The following RNF150 variants were observed in gnomAD, a reference collection of about 807,000 sequenced individuals.
The protein encoded by RNF150 is ring finger protein 150.
RNF150 carries 24 observed loss-of-function variants against 39.3 expected under a neutral mutation model. The observed-to-expected ratio is 0.61, with a 90% CI of 0.44 to 0.86. The LOEUF (loss-of-function observed/expected upper bound fraction) is 0.86. Among genes scored for constraint, RNF150 ranks in the 40% least tolerant of loss-of-function variants. RNF150 has a pLI of 0.00. For missense variants in RNF150, 502 were observed against 587.8 expected, an observed-to-expected ratio of 0.85 and a Z score of 1.51; for synonymous variants, 255 against 227.3, an observed-to-expected ratio of 1.12 and a Z score of -1.10.
At chr4:140,981,465 T>C (rs1319372997) in intron 1 of RNF150, among the ~76,000 whole-genome samples, 1 of 152,170 alleles carries the variant, frequency 6.6e-6, no homozygotes, top group Non-Finnish European at 1.5e-5. Context: ...GCCACTCACT[T>C]GGACAACCTG....
intron 1 of RNF150, among the ~76,000 whole-genome samples, chr4:141,166,639 A>G (rs1375669258): frequency 1.3e-5 from 2 of 152,248 alleles, no homozygotes; most frequent in South Asian, 2.1e-4. Flanking sequence ...CTGGTTCAAC[A>G]TATGCAAATG....
chr4:141,207,784 T>C (rs73849861), intron 1 of RNF150, among the ~76,000 whole-genome samples: 4,960 of 152,244 alleles, frequency 0.033, 283 homozygotes, highest in African/African-American at 0.11. Flanking sequence ...TATAGAGATA[T>C]GGATTCTAAT....
intron 1 of RNF150, among the ~76,000 whole-genome samples, chr4:141,006,145 T>C (rs1405202410): frequency 6.6e-6 from 1 of 151,852 alleles, no homozygotes; most frequent in African/African-American, 2.4e-5. Context: ...TGGAATGTGC[T>C]ATAATTTGAA....
At chr4:140,948,085 G>A (rs1732394877) in intron 3 of RNF150, among the ~76,000 whole-genome samples, 1 of 151,884 alleles carries the variant, frequency 6.6e-6, no homozygotes, top group African/African-American at 2.4e-5. Flanking sequence ...CATTCTTCTG[G>A]AATCTAGTGT....
At chr4:141,165,423 G>C (rs2111164171) in intron 1 of RNF150, among the ~76,000 whole-genome samples, 1 of 152,278 alleles carries the variant, frequency 6.6e-6, no homozygotes, top group East Asian at 1.9e-4. Context: ...TTCAGGACTT[G>C]AACTCAGCTC....
At chr4:140,983,486 T>A (rs1733925399) in intron 1 of RNF150, among the ~76,000 whole-genome samples, 1 of 152,140 alleles carries the variant, frequency 6.6e-6, no homozygotes, top group South Asian at 2.1e-4. Context: ...TTCAACAATA[T>A]ATTTATACCA....
chr4:141,162,746 G>C (rs553797433), intron 1 of RNF150, among the ~76,000 whole-genome samples: 1 of 152,258 alleles, frequency 6.6e-6, no homozygotes, highest in East Asian at 1.9e-4. Flanking sequence ...ATGAGGGACT[G>C]TGCCATGAGG....
intron 1 of RNF150, among the ~76,000 whole-genome samples, chr4:141,038,519 C>T (rs1475626246): frequency 1.3e-5 from 2 of 151,798 alleles, no homozygotes; most frequent in African/African-American, 2.4e-5. Context: ...AGTGAGACTC[C>T]ATCTCTACAA....
chr4:141,091,983 A>G (rs769951697), intron 1 of RNF150, among the ~76,000 whole-genome samples: 5 of 152,212 alleles, frequency 3.3e-5, no homozygotes, highest in African/African-American at 7.2e-5. Flanking sequence ...TCTGACTGCA[A>G]TCTCAGTAGG....
At chr4:140,995,768 C>T (rs1213096840) in intron 1 of RNF150, among the ~76,000 whole-genome samples, 3 of 152,154 alleles carry the variant, frequency 2.0e-5, no homozygotes, top group African/African-American at 7.2e-5. Flanking sequence ...TAATGTAATG[C>T]TCTCCAGTTC....
Position 141,065,252 on chromosome 4 carries a change from T to A in RNF150, c.484+67073A>T, listed in dbSNP as rs1578687253. ...TTGTCTACAATCAGCAATTAACCCT[T>A]ACGTCCTGGGTTACTATCTAAGATT... On this transcript the variant is annotated intron_variant, in intron 1 of 6. Coordinates refer to ENST00000515673, the MANE Select transcript of RNF150 (RefSeq NM_020724.2). 2.6e-5 allele frequency among the ~76,000 whole-genome samples: 4 copies of A among 152,288 alleles called. No individual in the cohort carries two copies. In the Middle Eastern group the frequency reaches 0.01, roughly 388 times the overall value.
At chr4:140,981,573 T>C (rs562408093) in intron 1 of RNF150, among the ~76,000 whole-genome samples, 4 of 152,220 alleles carry the variant, frequency 2.6e-5, no homozygotes, top group Admixed American at 1.3e-4. Flanking sequence ...TACTTCACAA[T>C]AAAAAACATG....
At chr4:140,884,433 A>ATACAGG (rs1396593848) in intron 6 of RNF150, among the ~76,000 whole-genome samples, 1 of 152,176 alleles carries the variant, frequency 6.6e-6, no homozygotes, top group Non-Finnish European at 1.5e-5. Flanking sequence ...GTCTGGTTTC[A>ATACAGG]TACAGGTACA....
chr4:140,952,291 C>A (rs1732570807), intron 2 of RNF150, among the ~76,000 whole-genome samples: 1 of 152,172 alleles, frequency 6.6e-6, no homozygotes, highest in South Asian at 2.1e-4. Flanking sequence ...GGATTACAGG[C>A]ATGAGCCACA....
chr4:141,172,886 C>T (rs1176980061), intron 1 of RNF150, among the ~76,000 whole-genome samples: 7 of 152,018 alleles, frequency 4.6e-5, no homozygotes, highest in African/African-American at 1.4e-4. Context: ...ATTAGCCGGG[C>T]ATGGTGGTGG....
chr4:140,912,446 G>A (rs921976841), intron 5 of RNF150, among the ~76,000 whole-genome samples: 2 of 152,330 alleles, frequency 1.3e-5, no homozygotes, highest in Admixed American at 6.5e-5. Context: ...GAACATGATG[G>A]TCAGGATTAG....
intron 1 of RNF150, among the ~76,000 whole-genome samples, chr4:141,107,113 G>A (rs1216434236): frequency 2.6e-5 from 4 of 151,992 alleles, no homozygotes; most frequent in African/African-American, 9.7e-5. Flanking sequence ...TAGAAATAAA[G>A]GATGACATCA....
chr4:141,164,190 A>G (rs1727561750), intron 1 of RNF150, among the ~76,000 whole-genome samples: 1 of 151,708 alleles, frequency 6.6e-6, no homozygotes, highest in African/African-American at 2.4e-5. Flanking sequence ...GATCAAGCAG[A>G]AGAAAGGATA....
intron 5 of RNF150, among the ~76,000 whole-genome samples, chr4:140,915,804 G>A (rs1730798918): frequency 6.6e-6 from 1 of 152,158 alleles, no homozygotes; most frequent in Non-Finnish European, 1.5e-5. Context: ...CCCAGTAGGG[G>A]CGGACTGACA....
Sources: allele counts gnomAD v4.1 joint callset (sites outside exome capture counted in the v4.1 genomes callset), GRCh38; gene constraint gnomAD v4.1.1; transcripts MANE v1.5; gene names NCBI Gene and HGNC (gene_info 2026-07-23, HGNC 2026-07-21).